The following SIPA1L3 variants were observed in gnomAD, a reference collection of about 807,000 sequenced individuals.
The protein encoded by SIPA1L3 is signal induced proliferation associated 1 like 3, also known as signal-induced proliferation-associated 1-like protein 3.
Under a neutral mutation model 150.1 loss-of-function variants are expected in SIPA1L3, and 59 were observed. The observed-to-expected ratio is 0.39, with a 90% confidence interval of 0.32 to 0.49. The LOEUF is 0.49. Ranked by LOEUF, SIPA1L3 falls within the 20% of genes least tolerant of loss-of-function variation. SIPA1L3 has a pLI of 0.86. For synonymous variants in SIPA1L3, 1,070 were observed against 1,077.6 expected, an observed-to-expected ratio of 0.99 and a Z score of 0.14; for missense variants, 2,211 against 2,489.5, an observed-to-expected ratio of 0.89 and a Z score of 2.38.
At chr19:38,160,439 G>C (rs1271659600) in intron 13 of SIPA1L3, among the ~76,000 whole-genome samples, 2 of 145,684 alleles carry the variant, frequency 1.4e-5, no homozygotes, top group African/African-American at 5.1e-5. Context: ...GTCTCGCTTA[G>C]TCTCCAGGCT....
rs185289920 is a variant in SIPA1L3 at position 38,178,538 on chromosome 19, C to T, written c.4209-3981C>T. ...TCGCCCAGGCTGGAGTGCAATGGTGCGATCTCGGCTCACTGCAACCTCCGC... is the reference window on the plus strand; with the variant it reads ...TCGCCCAGGCTGGAGTGCAATGGTGTGATCTCGGCTCACTGCAACCTCCGC... On this transcript the variant is annotated intron_variant, in intron 15 of 21. Transcript: ENST00000222345. Among the ~76,000 whole-genome samples the T allele has an allele frequency of 1.3e-3, 196 of 152,152 alleles. 2 individuals carry two copies. Among genetic ancestry groups the T allele is most frequent in the East Asian group, 7.9e-3 (41 of 5,158 alleles).
At chr19:38,123,053 C>T (rs1971059584) in intron 9 of SIPA1L3, among the ~76,000 whole-genome samples, 1 of 152,198 alleles carries the variant, frequency 6.6e-6, no homozygotes, top group South Asian at 2.1e-4. Context: ...AGTGCAGGCA[C>T]AAATGCGTCG....
rs191282967 is a variant in SIPA1L3, at chr19:38,097,714, G to A, written c.1666-2248G>A. ...TGGGATTACAGGCATGCGCCACCAC[G>A]CCCGGCTAATTTTTGTATTTTTAGT... On this transcript the variant is annotated intron_variant, in intron 4 of 21. Transcript: ENST00000222345. Among the ~76,000 whole-genome samples, 28 of 152,234 alleles carry A rather than the reference G, an allele frequency of 1.8e-4. No individual in the cohort carries two copies. In the East Asian group the frequency reaches 4.4e-3, roughly 24 times the overall value.
chr19:38,206,214 TTC>T lies in SIPA1L3; in HGVS notation c.5322_5323del (p.Phe1774LeufsTer39). ...SEQLRKFAEI[F>X]CREKKEL is the part of the protein sequence containing the mutation. Reference sequence around the variant, plus strand: ...GCAGCTGCGCAAGTTTGCGGAGATCTTCTGCAGGGAGAAGAAGGAGCTCTGAG... The same window carrying T: ...GCAGCTGCGCAAGTTTGCGGAGATCTTGCAGGGAGAAGAAGGAGCTCTGAG... On this transcript the variant is annotated frameshift_variant, in exon 22 of 22. Coordinates refer to ENST00000222345, the MANE Select transcript of SIPA1L3 (RefSeq NM_015073.3). LOFTEE classifies it high-confidence loss of function. 3 of 1,561,886 alleles carry T rather than the reference TTC, an allele frequency of 1.9e-6. No homozygotes were observed. The South Asian group carries it at 3.5e-5, about 18-fold the overall frequency.
intron 18 of SIPA1L3, among the ~76,000 whole-genome samples, chr19:38,195,006 A>G (rs1972889500): frequency 6.6e-6 from 1 of 151,930 alleles, no homozygotes; most frequent in Non-Finnish European, 1.5e-5. Context: ...AGCTGAGATC[A>G]AGCCACTGCA....
chr19:38,003,066 A>T (rs886902855), intron 1 of SIPA1L3, among the ~76,000 whole-genome samples: 4 of 152,188 alleles, frequency 2.6e-5, no homozygotes, highest in African/African-American at 9.7e-5. Flanking sequence ...GAATGGCTTG[A>T]ACCCAGGAGG....
chr19:38,141,348 C>T lies in SIPA1L3; in HGVS notation c.3308C>T (p.Thr1103Ile). Residue 1103 changes from threonine to isoleucine, a missense_variant, in exon 11 of 22, where the codon ACT becomes ATT. Transcript: ENST00000222345. ...GCCTCCAAGTGGGCCACTCCAACCA[C>T]TCCCGGCCATGCCCAGTCCCTGAGC... is the stretch of plus-strand genomic sequence containing the variant. ...LPASKWATPT[T>I]PGHAQSLSRP... 1 of 1,614,040 alleles carries T rather than the reference C, an allele frequency of 6.2e-7. No homozygotes were observed. Among genetic ancestry groups the T allele is most frequent in the Non-Finnish European group, 8.5e-7 (1 of 1,180,018 alleles).
chr19:38,173,904 G>T (rs967302240), intron 15 of SIPA1L3, among the ~76,000 whole-genome samples: 17 of 151,694 alleles, frequency 1.1e-4, no homozygotes, highest in African/African-American at 3.9e-4. Context: ...AACAGCTTCC[G>T]CATGGCTGGA....
intron 1 of SIPA1L3, among the ~76,000 whole-genome samples, chr19:37,971,722 G>A (rs185751389): frequency 6.8e-4 from 103 of 152,132 alleles, no homozygotes; most frequent in Middle Eastern, 3.4e-3. Context: ...GTGACACCAT[G>A]CCCAGCTAAT....
chr19:38,068,050 T>G (rs1599994972), intron 2 of SIPA1L3, among the ~76,000 whole-genome samples: 3 of 137,754 alleles, frequency 2.2e-5, no homozygotes, highest in Non-Finnish European at 4.6e-5. Flanking sequence ...TGAGACAGAG[T>G]CTCACTCTTT....
chr19:37,912,686 G>T (rs929011439), intron 1 of SIPA1L3, among the ~76,000 whole-genome samples: 1 of 151,942 alleles, frequency 6.6e-6, no homozygotes, highest in Admixed American at 6.6e-5. Context: ...GTAGAGATAG[G>T]GTCTCACACT....
intron 1 of SIPA1L3, among the ~76,000 whole-genome samples, chr19:38,006,614 A>T (rs1235112235): frequency 6.6e-6 from 1 of 152,184 alleles, no homozygotes; most frequent in African/African-American, 2.4e-5. Context: ...ACTACTTCGC[A>T]CCTCTCAGAA....
chr19:38,119,430 G>A lies in SIPA1L3; in HGVS notation c.2416G>A (p.Ala806Thr), dbSNP rs1400974647. 5.0e-6 allele frequency: 8 copies of A among 1,614,022 alleles called. No individual in the cohort carries two copies. Among genetic ancestry groups the A allele is most frequent in the Admixed American group, 3.3e-5 (2 of 59,988 alleles). Residue 806 changes from alanine (A) to threonine (T), a missense_variant, in exon 9 of 22, where the codon GCC (alanine) becomes ACC (threonine). Around this residue, in one of 5 missense-constraint regions of SIPA1L3, gnomAD observed 625 missense variants for 804.2 expected, o/e 0.78. Transcript: ENST00000222345. Reference protein sequence around the residue: ...LLAKVINAENAAHKSDKFHTM... With the variant: ...LLAKVINAENTAHKSDKFHTM... ...GGCCAAGGTGATTAACGCTGAGAAC[G>A]CCGCGCACAAGTCCGACAAGTTCCA...
At position 38,088,730 on chromosome 19, in the gene SIPA1L3, A is replaced by G. The variant is rs370274550; in HGVS notation, c.1544A>G (p.Asn515Ser). Reference sequence around the variant, plus strand: ...TGCTCTTCCTTCTTAGAACATGCCAATTACTTCGGCGTGGATGAGAAGCTG... The same window carrying G: ...TGCTCTTCCTTCTTAGAACATGCCAGTTACTTCGGCGTGGATGAGAAGCTG... ...QDYFVGKEHA[N>S]YFGVDEKLGP... Residue 515 changes from asparagine to serine, a missense_variant, in exon 4 of 22, where the codon AAT (asparagine) becomes AGT (serine). This residue lies in a region of SIPA1L3 where 625 missense variants were observed against 804.2 expected (regional missense o/e 0.78). Coordinates refer to ENST00000222345, the MANE Select transcript of SIPA1L3 (RefSeq NM_015073.3). 7.8e-5 allele frequency: 126 copies of G among 1,613,698 alleles called. No individual in the cohort carries two copies. Among genetic ancestry groups the G allele is most frequent in the African/African-American group, 4.9e-4 (37 of 75,016 alleles).
rs34356507 is a variant in SIPA1L3, at chr19:37,909,973, TAAA to T, written c.-379+2631_-379+2633del. Among the ~76,000 whole-genome samples, 1,218 of 143,200 alleles carry T rather than the reference TAAA, an allele frequency of 8.5e-3. 9 individuals carry two copies. The highest frequency in any genetic ancestry group is 0.022 in the African/African-American group (871 of 39,086). 93.9% of individuals were successfully genotyped at this position (143,200 alleles called of 152,430 possible). A position where few individuals can be genotyped will look rare whatever the true frequency, so the allele number is the denominator to read the frequency against. On this transcript the variant is annotated intron_variant, in intron 1 of 21. Transcript: ENST00000222345. ...AACCTGAAGAAGTAAAGCAGTGGCT[TAAA>T]AAAAAAAAAAAAAAAGCAGCACGTG...
At chr19:38,059,457 C>T (rs1457013559) in intron 2 of SIPA1L3, among the ~76,000 whole-genome samples, 1 of 152,052 alleles carries the variant, frequency 6.6e-6, no homozygotes, top group Non-Finnish European at 1.5e-5. Context: ...GTGCCTGCCA[C>T]CACGCCTAGC....
intron 10 of SIPA1L3, among the ~76,000 whole-genome samples, chr19:38,137,274 C>T (rs1294174368): frequency 1.3e-5 from 2 of 152,038 alleles, no homozygotes; most frequent in African/African-American, 2.4e-5. Context: ...CTGCAACCTC[C>T]GCTTCCCAGG....
intron 16 of SIPA1L3, among the ~76,000 whole-genome samples, chr19:38,184,058 T>C (rs1027294808): frequency 1.1e-4 from 17 of 152,130 alleles, no homozygotes; most frequent in Non-Finnish European, 2.1e-4. Context: ...AGTCGGAGGA[T>C]ACAGGAGCTA....
At chr19:38,039,376 A>G (rs1393142195) in intron 2 of SIPA1L3, among the ~76,000 whole-genome samples, 1 of 99,782 alleles carries the variant, frequency 1.0e-5, no homozygotes, top group Non-Finnish European at 1.8e-5. Context: ...GATGAAAAAA[A>G]GTTTGCCAGC....
Sources: allele counts gnomAD v4.1 joint callset (sites outside exome capture counted in the v4.1 genomes callset), GRCh38; gene constraint gnomAD v4.1.1; regional missense constraint gnomAD v4.1.1; transcripts MANE v1.5; gene names NCBI Gene and HGNC (gene_info 2026-07-23, HGNC 2026-07-21).